GATB: variants seen among roughly 807,000 people sequenced by gnomAD.
GATB encodes glutamyl-tRNA amidotransferase subunit B.
In GATB, 39 loss-of-function variants were observed where a neutral mutation model predicts 62.3. The ratio of observed to expected loss-of-function variants is 0.63; its 90% CI spans 0.48 to 0.82. The LOEUF (loss-of-function observed/expected upper bound fraction) is 0.82, where lower values mean the gene tolerates loss of function less well. Ranked by LOEUF, GATB falls within the 40% of genes least tolerant of loss-of-function variation. GATB has a pLI of 0.00. For synonymous variants in GATB, 276 were observed against 258.9 expected, an observed-to-expected ratio of 1.07 and a Z score of -0.63; for missense variants, 670 against 684.0, an observed-to-expected ratio of 0.98 and a Z score of 0.23.
chr4:151,676,078 T>C (rs1737995240), intron 11 of GATB: 1 of 152,198 alleles, frequency 6.6e-6, no homozygotes, highest in Admixed American at 6.5e-5. Flanking sequence ...AGCCCCCTTT[T>C]TGGTCAAAGG....
rs1310110891 is a variant in GATB, at chr4:151,693,508, CCCT to C, written c.1198-4748_1198-4746del. ...GGCTGGCACAGGAAACACGACCCCCCCCTCAAGAGTGTCAGGAGAAAGCTAGAA... is the reference window on the plus strand; with the variant it reads ...GGCTGGCACAGGAAACACGACCCCCCCAAGAGTGTCAGGAGAAAGCTAGAA... On this transcript the variant is annotated intron_variant, in intron 9 of 12. Coordinates refer to ENST00000263985, the MANE Select transcript of GATB (RefSeq NM_004564.3). Among the ~76,000 whole-genome samples the C allele has an allele frequency of 1.6e-4, 24 of 152,248 alleles. No individual in the cohort carries two copies. In the East Asian group the frequency reaches 2.9e-3, roughly 18 times the overall value.
intron 5 of GATB, among the ~76,000 whole-genome samples, chr4:151,709,085 C>T (rs908207687): frequency 1.3e-5 from 2 of 152,220 alleles, no homozygotes; most frequent in African/African-American, 4.8e-5. Flanking sequence ...TAAAAGTAAT[C>T]TGCCAAACCT....
At chr4:151,716,268 C>A (rs553126771) in intron 4 of GATB, 137 bp from the exon 5 acceptor site, 2 of 832,500 alleles carry the variant, frequency 2.4e-6, no homozygotes, top group Admixed American at 3.6e-5. Flanking sequence ...CATTTCTCTT[C>A]CCTCCCACCT....
intron 12 of GATB, among the ~76,000 whole-genome samples, chr4:151,671,975 G>A (rs1308793934): frequency 1.3e-5 from 2 of 152,204 alleles, no homozygotes; most frequent in African/African-American, 2.4e-5. Context: ...TGAAACTACT[G>A]GCACGTCTTT....
Position 151,688,679 on chromosome 4 carries a change from T to A in GATB, c.1282A>T (p.Asn428Tyr), listed in dbSNP as rs773816347. ...TGCTTTAAATAGCCCAGAAAAGTGT[T>A]GAGGACCCAACTAGTCACCTTTTTT... ...EPKKVTSWVL[N>Y]TFLGYLKQQN... The change falls in exon 10 of 13, where the codon AAC becomes TAC. Residue 428 changes from asparagine to tyrosine, a missense_variant. Physicochemically the swap from Asn to Tyr is moderately radical, Grantham distance 143. Coordinates refer to ENST00000263985, the MANE Select transcript of GATB (RefSeq NM_004564.3). The A allele has an allele frequency of 3.4e-5, 55 of 1,613,290 alleles. No homozygotes were observed. Among genetic ancestry groups the A allele is most frequent in the Non-Finnish European group, 4.5e-5 (53 of 1,179,822 alleles).
chr4:151,745,022 G>C (rs537399269), intron 2 of GATB, among the ~76,000 whole-genome samples: 1 of 152,162 alleles, frequency 6.6e-6, no homozygotes. Context: ...AAAGCATGGA[G>C]GATAACTATA....
chr4:151,721,517 C>T (rs1231084325), intron 2 of GATB: 1 of 152,298 alleles, frequency 6.6e-6, no homozygotes, highest in Non-Finnish European at 1.5e-5. Flanking sequence ...ACAAACATAG[C>T]TGGTGGAGAA....
At chr4:151,715,678 C>CT (rs2126977036) in intron 5 of GATB, among the ~76,000 whole-genome samples, 1 of 152,208 alleles carries the variant, frequency 6.6e-6, no homozygotes, top group East Asian at 1.9e-4. Context: ...ACGGTACTCA[C>CT]TAACTAAGAA....
chr4:151,673,994 G>C (rs1350842531), intron 11 of GATB: 2 of 152,250 alleles, frequency 1.3e-5, no homozygotes, highest in Non-Finnish European at 2.9e-5. Flanking sequence ...TCCCCAGTCT[G>C]ATTCAAAAAC....
At chr4:151,723,824 G>C (rs1385580376) in intron 2 of GATB, 1 of 152,214 alleles carries the variant, frequency 6.6e-6, no homozygotes, top group Admixed American at 6.5e-5. Flanking sequence ...AAGCTGTGAT[G>C]GGTAGAGGTA....
rs758638639 is a variant in GATB, at chr4:151,672,755, T to C, written c.1545+7A>G. On this transcript the variant is annotated splice_region_variant and intron_variant, in intron 12 of 12. Coordinates refer to ENST00000263985, the MANE Select transcript of GATB (RefSeq NM_004564.3). ...CTCTGGCCCTCTCCCCTGCCCGAGA[T>C]AGTCACCACTTGAGGATGGGCCTCC... 1.9e-6 allele frequency: 3 copies of C among 1,613,586 alleles called. No individual in the cohort carries two copies. The highest frequency in any genetic ancestry group is 2.7e-5 in the African/African-American group (2 of 74,910).
In GATB at chr4:151,672,820, T is replaced by G; in HGVS notation, c.1487A>C (p.Gln496Pro). The G allele has an allele frequency of 6.2e-7, 1 of 1,614,194 alleles. No homozygotes were observed. Among genetic ancestry groups the G allele is most frequent in the Non-Finnish European group, 8.5e-7 (1 of 1,180,014 alleles). Reference protein sequence around the residue: ...IVSEKQLELMQDQGALEQLCH... With the variant: ...IVSEKQLELMPDQGALEQLCH... Reference sequence around the variant, plus strand: ...GAGCTGCTCCAGTGCCCCCTGGTCCTGCATCAGTTCAAGCTGCTTTTCTGA... The same window carrying G: ...GAGCTGCTCCAGTGCCCCCTGGTCCGGCATCAGTTCAAGCTGCTTTTCTGA... The change falls in exon 12 of 13, where the codon CAG becomes CCG. Residue 496 changes from glutamine (Q) to proline (P), a missense_variant. Transcript: ENST00000263985.
At position 151,716,100 on chromosome 4, in the gene GATB, G is replaced by A. The variant is rs547158537; in HGVS notation, c.672C>T (p.Pro224=). The change falls in exon 5 of 13, where the codon CCC becomes CCT. Residue 224 remains proline, a synonymous_variant. Coordinates refer to ENST00000263985, the MANE Select transcript of GATB (RefSeq NM_004564.3). ...GVGLLEVVLE[P]DMSCGEEAAT... The stretch of plus-strand genomic sequence containing the variant: ...CCGCCTCTTCTCCACAGGACATGTC[G>A]GGCTCCAGGACCACCTCCAGAAGGC... The A allele has an allele frequency of 2.2e-5, 35 of 1,613,528 alleles. No homozygotes were observed. The highest frequency in any genetic ancestry group is 9.9e-5 in the South Asian group (9 of 90,968).
chr4:151,681,502 G>A (rs1211093100), intron 10 of GATB, among the ~76,000 whole-genome samples: 3 of 152,166 alleles, frequency 2.0e-5, no homozygotes, highest in Non-Finnish European at 4.4e-5. Flanking sequence ...TTCTAAAAGC[G>A]TGGGTTGCCT....
chr4:151,687,735 C>G (rs1429971369), intron 10 of GATB, among the ~76,000 whole-genome samples: 1 of 152,122 alleles, frequency 6.6e-6, no homozygotes, highest in Non-Finnish European at 1.5e-5. Context: ...AGGGCCTTCT[C>G]TCCCTCCCCC....
intron 2 of GATB, among the ~76,000 whole-genome samples, chr4:151,736,851 G>A (rs756558995): frequency 2.0e-4 from 31 of 152,126 alleles, no homozygotes; most frequent in Non-Finnish European, 7.3e-5. Flanking sequence ...ATTTCCTTGC[G>A]CAAGCTCTCC....
intron 2 of GATB, among the ~76,000 whole-genome samples, chr4:151,747,712 C>T (rs1031142420): frequency 2.6e-5 from 4 of 152,222 alleles, no homozygotes; most frequent in Admixed American, 6.5e-5. Context: ...TCAGCAATTA[C>T]AGATGCCTAA....
intron 11 of GATB, chr4:151,675,830 C>T (rs1218166311): frequency 1.3e-5 from 2 of 152,246 alleles, no homozygotes; most frequent in Non-Finnish European, 2.9e-5. Context: ...ACACTGGAGC[C>T]GGCTCTGACA....
At position 151,698,140 on chromosome 4, in the gene GATB, C is replaced by T. The variant is rs527756634; in HGVS notation, c.1197+3189G>A. Among the ~76,000 whole-genome samples, 5 of 151,670 alleles carry T rather than the reference C, an allele frequency of 3.3e-5. No homozygotes were observed. The East Asian group carries it at 7.8e-4, about 24-fold the overall frequency. ...CCTTTGGAAACAGGGATGCTTTTATCAGGAACACTGCTTCTCCCAGGATCT... is the reference window on the plus strand; with the variant it reads ...CCTTTGGAAACAGGGATGCTTTTATTAGGAACACTGCTTCTCCCAGGATCT... On this transcript the variant is annotated intron_variant, in intron 9 of 12. Transcript: ENST00000263985.
Sources: allele counts gnomAD v4.1 joint callset (sites outside exome capture counted in the v4.1 genomes callset), GRCh38; gene constraint gnomAD v4.1.1; transcripts MANE v1.5; gene names NCBI Gene and HGNC (gene_info 2026-07-23, HGNC 2026-07-21).